The following SYN2 variants were observed in gnomAD, a reference collection of about 807,000 sequenced individuals.
SYN2 encodes the protein synapsin II.
A neutral mutation model predicts 50.9 loss-of-function variants in SYN2; 19 were observed. The observed-to-expected ratio is 0.37, with a 90% CI of 0.26 to 0.55. The LOEUF is 0.55. Among genes scored for constraint, SYN2 ranks in the 20% least tolerant of loss-of-function variants. SYN2 has a pLI of 0.81. For missense variants in SYN2, 587 were observed against 576.4 expected (o/e 1.02, Z -0.19); for synonymous variants, 255 against 224.9 (o/e 1.13, Z -1.20).
chr3:12,180,317 C>T (rs1209459656), intron 10 of SYN2, among the ~76,000 whole-genome samples: 3 of 152,104 alleles, frequency 2.0e-5, no homozygotes, highest in African/African-American at 7.2e-5. Context: ...TAGGCACAAG[C>T]ACTGCACTTC....
At chr3:12,122,623 G>C (rs1217185701) in intron 1 of SYN2, among the ~76,000 whole-genome samples, 4 of 152,108 alleles carry the variant, frequency 2.6e-5, no homozygotes, top group African/African-American at 9.7e-5. Flanking sequence ...CAGCCTATGT[G>C]CTGGACAGAA....
intron 1 of SYN2, among the ~76,000 whole-genome samples, chr3:12,075,519 TAGA>T (rs1352259970): frequency 1.3e-5 from 2 of 152,120 alleles, no homozygotes; most frequent in Admixed American, 1.3e-4. Context: ...GCTATTATAG[TAGA>T]AGAATGAAAT....
At chr3:12,107,683 T>G (rs1039193352) in intron 1 of SYN2, among the ~76,000 whole-genome samples, 1 of 152,138 alleles carries the variant, frequency 6.6e-6, no homozygotes, top group Non-Finnish European at 1.5e-5. Flanking sequence ...GTGGGCAGAT[T>G]GCTTGAGCTC....
chr3:12,120,100 A>G (rs1402658880), intron 1 of SYN2, among the ~76,000 whole-genome samples: 1 of 152,198 alleles, frequency 6.6e-6, no homozygotes, highest in Non-Finnish European at 1.5e-5. Flanking sequence ...GGAGGTTCCC[A>G]GAGATACCAG....
intron 5 of SYN2, among the ~76,000 whole-genome samples, chr3:12,159,889 A>G (rs1003906524): frequency 6.6e-6 from 1 of 151,932 alleles, no homozygotes; most frequent in African/African-American, 2.4e-5. Context: ...CTAAAAATAC[A>G]AAAGTTAGCC....
chr3:12,036,295 C>G (rs1294050364), intron 1 of SYN2, among the ~76,000 whole-genome samples: 1 of 152,140 alleles, frequency 6.6e-6, no homozygotes, highest in African/African-American at 2.4e-5. Flanking sequence ...GTGGCTCTGG[C>G]TCTGTTCCTG....
At chr3:12,049,376 G>A (rs982463094) in intron 1 of SYN2, among the ~76,000 whole-genome samples, 3 of 151,988 alleles carry the variant, frequency 2.0e-5, no homozygotes, top group Admixed American at 6.6e-5. Flanking sequence ...AAATTAGCCT[G>A]GTGTGGTGAC....
intron 1 of SYN2, among the ~76,000 whole-genome samples, chr3:12,089,654 CTTTTT>C (rs1695783309): frequency 6.6e-6 from 1 of 152,080 alleles, no homozygotes; most frequent in African/African-American, 2.4e-5. Context: ...TAAATTTTTT[CTTTTT>C]TAAGAAAAGA....
Position 12,145,742 on chromosome 3 carries a change from CT to C in SYN2, c.593del (p.Phe198SerfsTer4). 6.2e-7 allele frequency: 1 copy of C among 1,614,034 alleles called. No individual in the cohort carries two copies. Among genetic ancestry groups the C allele is most frequent in the Non-Finnish European group, 8.5e-7 (1 of 1,179,898 alleles). Reference sequence around the variant, plus strand: ...CATTTGGCATGGCGGAGAATGAGGACTTCCGCCACCTGATCATTGGTATGCA... The same window carrying C: ...CATTTGGCATGGCGGAGAATGAGGACTCCGCCACCTGATCATTGGTATGCA... ...HAFGMAENED[F>X]RHLIIGMQYA... On this transcript the variant is annotated frameshift_variant, in exon 4 of 13. Coordinates refer to ENST00000621198, the MANE Select transcript of SYN2 (RefSeq NM_133625.6). LOFTEE classifies it high-confidence loss of function.
At chr3:12,077,088 G>T (rs375131775) in intron 1 of SYN2, among the ~76,000 whole-genome samples, 33 of 152,100 alleles carry the variant, frequency 2.2e-4, no homozygotes, top group African/African-American at 8.0e-4. Context: ...GCAGGTTTGC[G>T]ATGGGGCAAT....
intron 5 of SYN2, chr3:12,153,136 C>T (rs1056766225): frequency 1.3e-5 from 4 of 305,266 alleles, no homozygotes; most frequent in Non-Finnish European, 1.9e-5. Context: ...TACTGTACAT[C>T]GCAAGGATAT....
At chr3:12,121,118 C>T (rs990875318) in intron 1 of SYN2, among the ~76,000 whole-genome samples, 1 of 152,192 alleles carries the variant, frequency 6.6e-6, no homozygotes, top group Non-Finnish European at 1.5e-5. Context: ...TTCACTTTTG[C>T]CTGGCTAGCT....
intron 1 of SYN2, among the ~76,000 whole-genome samples, chr3:12,016,902 G>T (rs1461899012): frequency 6.6e-6 from 1 of 152,026 alleles, no homozygotes; most frequent in Non-Finnish European, 1.5e-5. Context: ...ATCTTCAGAG[G>T]CCCTTATGAA....
chr3:12,058,276 G>A (rs307600), intron 1 of SYN2, among the ~76,000 whole-genome samples: 111,404 of 152,110 alleles, frequency 0.73, 41,050 homozygotes, highest in Admixed American at 0.8. Flanking sequence ...CTTTAATGAC[G>A]GTAGATGATT....
At chr3:12,104,285 A>G (rs1696133019) in intron 1 of SYN2, among the ~76,000 whole-genome samples, 1 of 152,196 alleles carries the variant, frequency 6.6e-6, no homozygotes, top group Non-Finnish European at 1.5e-5. Flanking sequence ...AATATGTGTA[A>G]GGCAAAAAGG....
intron 1 of SYN2, among the ~76,000 whole-genome samples, chr3:12,119,577 G>A (rs1429089475): frequency 2.0e-5 from 3 of 152,028 alleles, no homozygotes; most frequent in Non-Finnish European, 4.4e-5. Context: ...TTGCATCAGT[G>A]CTGTGGTTTG....
At chr3:12,107,968 T>C (rs78392478) in intron 1 of SYN2, among the ~76,000 whole-genome samples, 7,269 of 152,174 alleles carry the variant, frequency 0.048, 235 homozygotes, top group Middle Eastern at 0.11. Context: ...CCCAGCACTT[T>C]GAAAGGTTGA....
intron 1 of SYN2, among the ~76,000 whole-genome samples, chr3:12,061,829 T>G (rs1241871655): frequency 6.6e-6 from 1 of 151,868 alleles, no homozygotes; most frequent in Non-Finnish European, 1.5e-5. Flanking sequence ...CAAAATAAAT[T>G]CAAGACGTAT....
chr3:12,044,160 T>TTGTCTC (rs1553610001), intron 1 of SYN2, among the ~76,000 whole-genome samples: 3 of 135,564 alleles, frequency 2.2e-5, no homozygotes, highest in Admixed American at 2.2e-4. Context: ...GAAGGCAAAG[T>TTGTCTC]TCTCTCTCTC....
Sources: gnomAD v4.1 joint callset for allele counts (sites outside exome capture counted in the v4.1 genomes callset) on GRCh38, gnomAD v4.1.1 for gene constraint, MANE v1.5 for transcripts, NCBI Gene and HGNC (gene_info 2026-07-23, HGNC 2026-07-21) for gene names.